Variants in ADAM22 observed in about 807,000 individuals in gnomAD.
ADAM22 encodes ADAM metallopeptidase domain 22, also known as disintegrin and metalloproteinase domain-containing protein 22.
ADAM22 carries 65 observed loss-of-function variants against 144.6 expected under a neutral mutation model. That is an observed-to-expected ratio of 0.45 (90% confidence interval 0.37 to 0.55). The LOEUF (loss-of-function observed/expected upper bound fraction) is 0.55, where lower values mean the gene tolerates loss of function less well. ADAM22 is among the 20% of genes least tolerant of loss of function. The pLI is 0.00. For synonymous variants in ADAM22, 391 were observed against 412.6 expected (o/e 0.95, Z 0.63); for missense variants, 974 against 1,184.9 (o/e 0.82, Z 2.61).
intron 3 of ADAM22, among the ~76,000 whole-genome samples, chr7:88,038,705 G>A (rs948565660): frequency 2.6e-5 from 4 of 151,376 alleles, no homozygotes; most frequent in East Asian, 1.9e-4. Flanking sequence ...CGCCCGTCTC[G>A]GCCTCCCAAA....
chr7:88,112,986 T>TG lies in ADAM22; in HGVS notation c.474-1597dup, dbSNP rs1826456838. On this transcript the variant is annotated intron_variant, in intron 5 of 31. Transcript: ENST00000413139. Reference sequence around the variant, plus strand: ...TTCCCCCCGCCTTGGCCTTCCAAAGTGTTGGGATTCCAGATGTGAGCCCCA... The same window carrying TG: ...TTCCCCCCGCCTTGGCCTTCCAAAGTGGTTGGGATTCCAGATGTGAGCCCCA... 7.2e-5 allele frequency among the ~76,000 whole-genome samples: 11 copies of TG among 152,318 alleles called. No homozygotes were observed. In the South Asian group the frequency reaches 2.3e-3, roughly 32 times the overall value.
At chr7:88,015,338 A>C (rs1030015922) in intron 3 of ADAM22, among the ~76,000 whole-genome samples, 2 of 152,216 alleles carry the variant, frequency 1.3e-5, no homozygotes, top group African/African-American at 4.8e-5. Flanking sequence ...AAATGCTTAA[A>C]TAATTACCCC....
chr7:87,996,275 A>G (rs188704556), intron 3 of ADAM22, among the ~76,000 whole-genome samples: 28 of 152,304 alleles, frequency 1.8e-4, no homozygotes, highest in Middle Eastern at 3.4e-3. Context: ...TAACAAAAAT[A>G]CCATAAGGAC....
chr7:87,971,454 T>C (rs1208555868), intron 2 of ADAM22, among the ~76,000 whole-genome samples: 10 of 152,208 alleles, frequency 6.6e-5, no homozygotes, highest in African/African-American at 2.4e-4. Flanking sequence ...TCCCTAGTTA[T>C]ATACTAAGGA....
chr7:87,975,521 A>T (rs1851707063), intron 2 of ADAM22, among the ~76,000 whole-genome samples: 1 of 152,350 alleles, frequency 6.6e-6, no homozygotes, highest in Non-Finnish European at 1.5e-5. Context: ...TAATGCAAAC[A>T]TTCTTACTAA....
chr7:88,175,446 C>T (rs77233903), intron 26 of ADAM22, among the ~76,000 whole-genome samples: 1 of 151,774 alleles, frequency 6.6e-6, no homozygotes, highest in African/African-American at 2.4e-5. Context: ...TGTATCGATT[C>T]AAAACACAAA....
intron 2 of ADAM22, among the ~76,000 whole-genome samples, chr7:87,963,397 G>T (rs73393838): frequency 0.014 from 2,150 of 152,110 alleles, 43 homozygotes; most frequent in African/African-American, 0.048. Flanking sequence ...AGTGACCTCC[G>T]TGTTACTTTG....
At chr7:88,108,491 G>A (rs1005698897) in intron 5 of ADAM22, among the ~76,000 whole-genome samples, 1 of 151,894 alleles carries the variant, frequency 6.6e-6, no homozygotes, top group African/African-American at 2.4e-5. Context: ...ACTTTGGGGG[G>A]GTCTAGGCAG....
At chr7:88,099,451 G>A (rs937211306) in intron 4 of ADAM22, among the ~76,000 whole-genome samples, 1 of 152,136 alleles carries the variant, frequency 6.6e-6, no homozygotes, top group Admixed American at 6.6e-5. Context: ...TCCGAATTTA[G>A]GAAACCTGAA....
intron 5 of ADAM22, among the ~76,000 whole-genome samples, chr7:88,110,055 A>T (rs1825603057): frequency 1.3e-5 from 2 of 152,326 alleles, no homozygotes; most frequent in Admixed American, 1.3e-4. Context: ...AGAGCATGGA[A>T]GACTTCCATT....
chr7:87,949,147 A>C (rs1445211166), intron 2 of ADAM22, among the ~76,000 whole-genome samples: 2 of 152,116 alleles, frequency 1.3e-5, no homozygotes, highest in Non-Finnish European at 2.9e-5. Context: ...TCCTGCACTT[A>C]TACCCCTCCT....
intron 6 of ADAM22, among the ~76,000 whole-genome samples, chr7:88,116,087 T>C (rs1827685510): frequency 6.6e-6 from 1 of 152,196 alleles, no homozygotes; most frequent in Non-Finnish European, 1.5e-5. Flanking sequence ...ATTTTATGGG[T>C]ACCCACTGCT....
intron 3 of ADAM22, among the ~76,000 whole-genome samples, chr7:88,073,426 C>T (rs1813360242): frequency 6.6e-6 from 1 of 152,212 alleles, no homozygotes; most frequent in Non-Finnish European, 1.5e-5. Flanking sequence ...CCCCTCATCT[C>T]ATTAATGGCA....
intron 3 of ADAM22, among the ~76,000 whole-genome samples, chr7:88,022,648 AAGT>A (rs1182300124): frequency 6.6e-6 from 1 of 152,198 alleles, no homozygotes; most frequent in African/African-American, 2.4e-5. Context: ...TCATATCAGT[AAGT>A]AGAGTTCGTG....
At position 88,147,928 on chromosome 7, in the gene ADAM22, G is replaced by C. The variant is rs146709926; in HGVS notation, c.1486-1049G>C. ...TAAGATGCAAGTTCCTGATGAGCAG[G>C]GTTCTTGTGTTTTGTTCTCCATTGA... On this transcript the variant is annotated intron_variant, in intron 17 of 31. Transcript: ENST00000413139. 9.6e-3 allele frequency among the ~76,000 whole-genome samples: 1,457 copies of C among 152,206 alleles called. 17 individuals carry two copies. The highest frequency in any genetic ancestry group is 0.013 in the Non-Finnish European group (875 of 68,010).
chr7:87,965,693 A>T (rs1019245835), intron 2 of ADAM22, among the ~76,000 whole-genome samples: 1 of 152,212 alleles, frequency 6.6e-6, no homozygotes, highest in African/African-American at 2.4e-5. Flanking sequence ...TAAGCAAATA[A>T]AATCAGGGAA....
At chr7:88,039,464 A>AAAAAAAAAATATATATATATATATATAT in intron 3 of ADAM22, among the ~76,000 whole-genome samples, 1 of 76,378 alleles carries the variant, frequency 1.3e-5, no homozygotes, top group African/African-American at 4.7e-5. Context: ...AAAAAAAAAA[A>AAAAAAAAAATATATATATATATATATAT]ATATATATAT....
At chr7:88,022,840 C>T (rs1172632513) in intron 3 of ADAM22, among the ~76,000 whole-genome samples, 1 of 152,150 alleles carries the variant, frequency 6.6e-6, no homozygotes, top group East Asian at 1.9e-4. Flanking sequence ...TTAACCATCA[C>T]TAGGTAAGTT....
intron 3 of ADAM22, among the ~76,000 whole-genome samples, chr7:88,069,111 C>T (rs1310486977): frequency 1.3e-5 from 2 of 151,844 alleles, no homozygotes; most frequent in African/African-American, 4.8e-5. Flanking sequence ...CTCTCTCTGG[C>T]TCGCTCTCAC....
Sources: allele counts gnomAD v4.1 joint callset (sites outside exome capture counted in the v4.1 genomes callset), GRCh38; gene constraint gnomAD v4.1.1; transcripts MANE v1.5; gene names NCBI Gene and HGNC (gene_info 2026-07-23, HGNC 2026-07-21).